EPHA6: variants seen among roughly 807,000 people sequenced by gnomAD.
The protein encoded by EPHA6 is EPH receptor A6.
EPHA6 carries 50 observed loss-of-function variants against 112.0 expected under a neutral mutation model. The ratio of observed to expected loss-of-function variants is 0.45; its 90% CI spans 0.36 to 0.56. The LOEUF is 0.56. Among genes scored for constraint, EPHA6 ranks in the 20% least tolerant of loss-of-function variants. EPHA6 has a pLI of 0.00. For missense variants in EPHA6, 1,280 were observed against 1,417.4 expected (o/e 0.90, Z 1.56); for synonymous variants, 529 against 490.7 (o/e 1.08, Z -1.03).
At chr3:97,334,753 C>G (rs1333711407) in intron 5 of EPHA6, among the ~76,000 whole-genome samples, 1 of 152,048 alleles carries the variant, frequency 6.6e-6, no homozygotes, top group African/African-American at 2.4e-5. Flanking sequence ...TTTTGAAGAA[C>G]TGCTTCATTT....
At chr3:96,944,043 A>C (rs1263523108) in intron 2 of EPHA6, among the ~76,000 whole-genome samples, 1 of 152,108 alleles carries the variant, frequency 6.6e-6, no homozygotes, top group African/African-American at 2.4e-5. Context: ...GCTATTACAC[A>C]TTTTTCTATA....
intron 2 of EPHA6, among the ~76,000 whole-genome samples, chr3:96,920,777 G>A (rs1166538377): frequency 6.6e-6 from 1 of 151,828 alleles, no homozygotes; most frequent in East Asian, 1.9e-4. Context: ...CCATTAAATG[G>A]CTTGAACTTA....
At chr3:97,023,822 C>G (rs964905507) in intron 3 of EPHA6, among the ~76,000 whole-genome samples, 2 of 152,134 alleles carry the variant, frequency 1.3e-5, no homozygotes, top group Non-Finnish European at 2.9e-5. Flanking sequence ...AGTAAAGAAT[C>G]ATCCGTAAGA....
chr3:97,293,266 C>T (rs1174484518), intron 5 of EPHA6, among the ~76,000 whole-genome samples: 1 of 151,036 alleles, frequency 6.6e-6, no homozygotes, highest in Non-Finnish European at 1.5e-5. Flanking sequence ...AGAGGACACT[C>T]ATGATGTTCC....
chr3:97,683,921 A>T (rs891788306), intron 14 of EPHA6, among the ~76,000 whole-genome samples: 2 of 152,152 alleles, frequency 1.3e-5, no homozygotes, highest in African/African-American at 4.8e-5. Flanking sequence ...CCATTCCTAA[A>T]TCAATCATAG....
chr3:96,882,768 G>GTATGTATA lies in EPHA6; in HGVS notation c.450+15882_450+15883insGTATATAT, dbSNP rs1553723520. 4.0e-3 allele frequency among the ~76,000 whole-genome samples: 595 copies of GTATGTATA among 148,900 alleles called. 7 individuals are homozygous for GTATGTATA. Among genetic ancestry groups the GTATGTATA allele is most frequent in the African/African-American group, 0.014 (558 of 39,726 alleles). On this transcript the variant is annotated intron_variant, in intron 2 of 17. Transcript: ENST00000389672. ...TGTGTGTGTGTGTGTGTGTGTGTGT[G>GTATGTATA]TATAGTCAATCATCAATCTATGTGA...
chr3:97,395,455 A>T (rs1376851566), intron 5 of EPHA6, among the ~76,000 whole-genome samples: 4 of 151,876 alleles, frequency 2.6e-5, no homozygotes. Flanking sequence ...TCACATCTAC[A>T]GAATTTCACA....
chr3:97,414,689 T>A (rs1283183973), intron 6 of EPHA6, among the ~76,000 whole-genome samples: 1 of 152,072 alleles, frequency 6.6e-6, no homozygotes. Flanking sequence ...TTATGAGGCT[T>A]CTTTGACCAG....
intron 3 of EPHA6, among the ~76,000 whole-genome samples, chr3:97,079,239 A>G (rs1273378878): frequency 2.0e-5 from 3 of 152,174 alleles, no homozygotes; most frequent in African/African-American, 2.4e-5. Context: ...ACAATGTGGT[A>G]GATATACACC....
At chr3:97,563,239 C>T (rs1003419234) in intron 11 of EPHA6, among the ~76,000 whole-genome samples, 3 of 152,028 alleles carry the variant, frequency 2.0e-5, no homozygotes, top group Non-Finnish European at 4.4e-5. Flanking sequence ...TATTTGAAGT[C>T]GGATGTGAGG....
At chr3:97,539,622 C>A (rs1469786185) in intron 11 of EPHA6, among the ~76,000 whole-genome samples, 4 of 152,184 alleles carry the variant, frequency 2.6e-5, no homozygotes, top group African/African-American at 9.7e-5. Flanking sequence ...ACTTGCTCCT[C>A]ATTTCTCCCA....
In EPHA6 at chr3:97,147,869, G is replaced by A. The variant is rs185740709; in HGVS notation, c.1115-78395G>A. ...GTACTAGAAAAGAAACTGGAAAACC[G>A]GTGAAATGCAAATAAAGTTTAAAAT... On this transcript the variant is annotated intron_variant, in intron 3 of 17. Coordinates refer to ENST00000389672, the MANE Select transcript of EPHA6 (RefSeq NM_001080448.3). Among the ~76,000 whole-genome samples the A allele has an allele frequency of 1.1e-3, 164 of 152,060 alleles. 1 individual carries two copies. The highest frequency in any genetic ancestry group is 3.7e-3 in the African/African-American group (153 of 41,512).
At chr3:97,487,466 C>T (rs2091725089) in intron 10 of EPHA6, among the ~76,000 whole-genome samples, 1 of 152,164 alleles carries the variant, frequency 6.6e-6, no homozygotes, top group Non-Finnish European at 1.5e-5. Context: ...TAATGTGCCA[C>T]TTAATCATTT....
chr3:97,014,248 T>C (rs2044190093), intron 3 of EPHA6, among the ~76,000 whole-genome samples: 1 of 151,988 alleles, frequency 6.6e-6, no homozygotes, highest in Non-Finnish European at 1.5e-5. Context: ...TTTGGAAAAA[T>C]TATTTACCAT....
intron 17 of EPHA6, 65 bp downstream of exon 17, chr3:97,747,637 G>T (rs1437088428): frequency 1.4e-6 from 2 of 1,399,102 alleles, no homozygotes; most frequent in Non-Finnish European, 1.9e-6. Flanking sequence ...TTCAAATGCT[G>T]TATCAAGAAC....
intron 2 of EPHA6, among the ~76,000 whole-genome samples, chr3:96,893,367 C>G (rs1013718396): frequency 6.6e-6 from 1 of 152,090 alleles, no homozygotes; most frequent in African/African-American, 2.4e-5. Flanking sequence ...TTTATTGTGT[C>G]TCTTGATTAC....
At chr3:96,870,241 G>A (rs954663899) in intron 2 of EPHA6, among the ~76,000 whole-genome samples, 2 of 152,040 alleles carry the variant, frequency 1.3e-5, no homozygotes, top group African/African-American at 4.8e-5. Flanking sequence ...ACTGAAGAAC[G>A]AGGAAAGTTG....
chr3:96,875,802 C>T (rs1174484054), intron 2 of EPHA6, among the ~76,000 whole-genome samples: 2 of 151,942 alleles, frequency 1.3e-5, no homozygotes, highest in African/African-American at 4.8e-5. Flanking sequence ...GTCAAATCTT[C>T]TTGACTTACA....
At chr3:97,712,122 T>C (rs1014633995) in intron 14 of EPHA6, among the ~76,000 whole-genome samples, 1 of 152,228 alleles carries the variant, frequency 6.6e-6, no homozygotes, top group Non-Finnish European at 1.5e-5. Context: ...TCACTCCCCT[T>C]TATGATTTAT....
Sources: allele counts gnomAD v4.1 joint callset (sites outside exome capture counted in the v4.1 genomes callset), GRCh38; gene constraint gnomAD v4.1.1; transcripts MANE v1.5; gene names NCBI Gene and HGNC (gene_info 2026-07-23, HGNC 2026-07-21).